Variants in PCLO observed in about 807,000 individuals in gnomAD.
PCLO encodes protein piccolo.
PCLO carries 82 observed loss-of-function variants against 427.5 expected under a neutral mutation model. The observed-to-expected ratio is 0.19, with a 90% CI of 0.16 to 0.23. PCLO has a LOEUF of 0.23. Among genes scored for constraint, PCLO ranks in the 10% least tolerant of loss-of-function variants. PCLO has a pLI of 1.00. For missense variants in PCLO, 6,239 were observed against 6,115.9 expected (o/e 1.02, Z -0.67); for synonymous variants, 2,357 against 2,155.4 (o/e 1.09, Z -2.59).
chr7:83,075,566 G>T (rs1288508525), intron 3 of PCLO, among the ~76,000 whole-genome samples: 1 of 152,084 alleles, frequency 6.6e-6, no homozygotes. Context: ...TAAATTAAAT[G>T]ACACTAAGGA....
intron 3 of PCLO, among the ~76,000 whole-genome samples, chr7:83,026,008 A>C (rs1010918199): frequency 1.6e-4 from 25 of 152,300 alleles, no homozygotes; most frequent in African/African-American, 5.8e-4. Context: ...TCATGCCAAA[A>C]TGTAAAGACC....
chr7:83,090,807 A>C (rs1790358930), intron 3 of PCLO, among the ~76,000 whole-genome samples: 1 of 152,172 alleles, frequency 6.6e-6, no homozygotes, highest in Non-Finnish European at 1.5e-5. Flanking sequence ...ATTCCATTTT[A>C]CAATTAAATA....
At position 82,950,356 on chromosome 7, in the gene PCLO, T is replaced by C; in HGVS notation, c.10232A>G (p.Lys3411Arg). The C allele has an allele frequency of 6.2e-7, 1 of 1,613,712 alleles. No homozygotes were observed. The highest frequency in any genetic ancestry group is 2.2e-5 in the East Asian group (1 of 44,854). The change falls in exon 6 of 25, where the codon AAA (lysine) becomes AGA (arginine). Residue 3411 changes from lysine to arginine, a missense_variant. Around this residue, in one of 5 missense-constraint regions of PCLO, gnomAD observed 4,677 missense variants for 4,468.4 expected, o/e 1.05. Coordinates refer to ENST00000333891, the MANE Select transcript of PCLO (RefSeq NM_033026.6). ...DVVVKEEKQP[K>R]KRSSGAKVRG... ...GACTTTAGCTCCAGAACTTCTCTTT[T>C]TGGGTTGTTTTTCCTCTTTCACAAC...
chr7:83,048,328 CATT>C (rs1474361253), intron 3 of PCLO, among the ~76,000 whole-genome samples: 8 of 151,966 alleles, frequency 5.3e-5, no homozygotes, highest in African/African-American at 1.7e-4. Context: ...TTGCATGAGT[CATT>C]AATCCATAGT....
chr7:83,107,355 C>A (rs151084264), intron 3 of PCLO, among the ~76,000 whole-genome samples: 1 of 152,184 alleles, frequency 6.6e-6, no homozygotes, highest in South Asian at 2.1e-4. Flanking sequence ...AAAACTAACA[C>A]GAATTTATTT....
chr7:83,139,135 A>C (rs1197683363), intron 2 of PCLO, among the ~76,000 whole-genome samples: 3 of 152,188 alleles, frequency 2.0e-5, no homozygotes, highest in African/African-American at 7.2e-5. Flanking sequence ...ATTAAATAAA[A>C]ATTTTAAATA....
intron 5 of PCLO, 124 bp downstream of exon 5, chr7:82,951,732 A>G (rs1396299134): frequency 3.0e-5 from 42 of 1,381,100 alleles, no homozygotes; most frequent in South Asian, 7.5e-5. Context: ...ATATGCTGCT[A>G]TAACATCCAA....
intron 3 of PCLO, among the ~76,000 whole-genome samples, chr7:83,132,050 A>G (rs1343522708): frequency 6.6e-6 from 1 of 152,062 alleles, no homozygotes; most frequent in East Asian, 1.9e-4. Flanking sequence ...CCATTTTTCC[A>G]AAGTCCTATG....
At chr7:83,099,197 T>C (rs1394192484) in intron 3 of PCLO, among the ~76,000 whole-genome samples, 1 of 148,572 alleles carries the variant, frequency 6.7e-6, no homozygotes, top group Non-Finnish European at 1.5e-5. Context: ...TTTGGTTTGG[T>C]GGCAGCTTGA....
At chr7:82,829,877 T>C (rs537678961) in intron 16 of PCLO, among the ~76,000 whole-genome samples, 1 of 152,086 alleles carries the variant, frequency 6.6e-6, no homozygotes, top group African/African-American at 2.4e-5. Context: ...TTCAATGAAA[T>C]AGTAAGTGGC....
intron 9 of PCLO, among the ~76,000 whole-genome samples, chr7:82,881,218 C>A (rs567010436): frequency 2.6e-5 from 4 of 151,964 alleles, no homozygotes; most frequent in African/African-American, 9.6e-5. Context: ...AGAAAACAAA[C>A]AAAAAAGTGT....
At chr7:83,018,768 A>G (rs1788270054) in intron 3 of PCLO, among the ~76,000 whole-genome samples, 1 of 151,990 alleles carries the variant, frequency 6.6e-6, no homozygotes, top group Non-Finnish European at 1.5e-5. Context: ...AACACTTTTG[A>G]AACTCAATTT....
In PCLO at chr7:83,109,514, G is replaced by A. The variant is rs370919309; in HGVS notation, c.3300+24736C>T. On this transcript the variant is annotated intron_variant, in intron 3 of 24. Transcript: ENST00000333891. ...GATATTAACGTAGTTGATCTTTCCA[G>A]CTGTCTGGCTTCATGGAAAATAAAA... Among the ~76,000 whole-genome samples the A allele has an allele frequency of 5.9e-5, 9 of 152,162 alleles. No homozygotes were observed. The East Asian group carries it at 9.7e-4, about 16-fold the overall frequency.
chr7:82,832,295 C>T, intron 16 of PCLO, among the ~76,000 whole-genome samples: 1 of 152,052 alleles, frequency 6.6e-6, no homozygotes, highest in East Asian at 1.9e-4. Context: ...TGCTCTGTTG[C>T]TCAGGCTGGA....
intron 3 of PCLO, among the ~76,000 whole-genome samples, chr7:83,056,296 TTCTTAGGTTTAC>T (rs1789377872): frequency 6.6e-6 from 1 of 152,188 alleles, no homozygotes; most frequent in Admixed American, 6.5e-5. Flanking sequence ...AGTGGACATG[TTCTTAGGTTTAC>T]TCTATATTTC....
intron 22 of PCLO, among the ~76,000 whole-genome samples, chr7:82,762,027 T>C (rs982427526): frequency 2.6e-5 from 4 of 152,126 alleles, no homozygotes; most frequent in African/African-American, 9.7e-5. Context: ...AATATTTTAT[T>C]TCCCACCCTA....
rs777002340 is a variant in PCLO at position 82,966,275 on chromosome 7, G to A, written c.3513C>T (p.Val1171=). 53 of 1,612,026 alleles carry A rather than the reference G, an allele frequency of 3.3e-5. No homozygotes were observed. The highest frequency in any genetic ancestry group is 4.2e-5 in the Non-Finnish European group (50 of 1,179,442). Residue 1171 remains valine (V), a synonymous_variant, in exon 4 of 25, where the codon GTC becomes GTT. Coordinates refer to ENST00000333891, the MANE Select transcript of PCLO (RefSeq NM_033026.6). The stretch of plus-strand genomic sequence containing the variant: ...GTGTTTCCTTTACTTTTTCCAGAAT[G>A]ACTTTTTCAGCTTCCGTTTTTACTT... The part of the protein sequence containing the change: ...EQEVKTEAEK[V]ILEKVKETLS...
At chr7:82,911,943 A>G (rs999868052) in intron 7 of PCLO, among the ~76,000 whole-genome samples, 5 of 152,140 alleles carry the variant, frequency 3.3e-5, no homozygotes, top group Non-Finnish European at 7.4e-5. Flanking sequence ...GCTTCAAGCT[A>G]AAAATATTAA....
intron 10 of PCLO, among the ~76,000 whole-genome samples, chr7:82,850,169 C>T (rs1268207247): frequency 6.6e-6 from 1 of 151,958 alleles, no homozygotes; most frequent in African/African-American, 2.4e-5. Flanking sequence ...CCACCACACC[C>T]AGCTAGTTTT....
Sources: gnomAD v4.1 joint callset for allele counts (sites outside exome capture counted in the v4.1 genomes callset) on GRCh38, gnomAD v4.1.1 for gene constraint, gnomAD v4.1.1 regional missense constraint, MANE v1.5 for transcripts, NCBI Gene and HGNC (gene_info 2026-07-23, HGNC 2026-07-21) for gene names.